The following FHOD3 variants were observed in gnomAD, a reference collection of about 807,000 sequenced individuals.
FHOD3 encodes the protein formin homology 2 domain containing 3.
A neutral mutation model predicts 173.0 loss-of-function variants in FHOD3; 90 were observed. The observed-to-expected ratio is 0.52, with a 90% CI of 0.44 to 0.62. The LOEUF (loss-of-function observed/expected upper bound fraction) is 0.62. Among genes scored for constraint, FHOD3 ranks in the 20% least tolerant of loss-of-function variants. The pLI is 0.00. For synonymous variants in FHOD3, 828 were observed against 823.0 expected (o/e 1.01, Z -0.10); for missense variants, 1,945 against 2,034.7 (o/e 0.96, Z 0.85).
At chr18:36,545,214 G>A (rs536819521) in intron 5 of FHOD3, among the ~76,000 whole-genome samples, 1 of 152,298 alleles carries the variant, frequency 6.6e-6, no homozygotes, top group South Asian at 2.1e-4. Context: ...ATACAGTGGT[G>A]AACAAGACAC....
At chr18:36,393,210 A>G (rs936842627) in intron 3 of FHOD3, among the ~76,000 whole-genome samples, 11 of 152,212 alleles carry the variant, frequency 7.2e-5, no homozygotes, top group Non-Finnish European at 1.5e-4. Context: ...AAACAAACGT[A>G]ATGGCGAAAG....
At chr18:36,554,247 T>A (rs941846562) in intron 5 of FHOD3, among the ~76,000 whole-genome samples, 6 of 152,114 alleles carry the variant, frequency 3.9e-5, no homozygotes, top group South Asian at 4.1e-4. Context: ...CAAATGTCCA[T>A]CAATGATAGA....
At chr18:36,403,620 A>G (rs1214138249) in intron 3 of FHOD3, among the ~76,000 whole-genome samples, 1 of 152,220 alleles carries the variant, frequency 6.6e-6, no homozygotes, top group Non-Finnish European at 1.5e-5. Context: ...AGATTTTAGT[A>G]AAAAAACACA....
chr18:36,738,611 A>G (rs539867353), intron 20 of FHOD3, among the ~76,000 whole-genome samples: 8 of 152,296 alleles, frequency 5.3e-5, no homozygotes, highest in Admixed American at 5.2e-4. Context: ...GAGTTTGTTT[A>G]CGTATAGTGT....
chr18:36,693,320 C>G lies in FHOD3; in HGVS notation c.2133C>G (p.Ala711=), dbSNP rs771214218. The G allele has an allele frequency of 6.2e-7, 1 of 1,613,864 alleles. No homozygotes were observed. Among genetic ancestry groups the G allele is most frequent in the Non-Finnish European group, 8.5e-7 (1 of 1,179,820 alleles). The change falls in exon 17 of 29, where the codon GCC becomes GCG. Residue 711 remains alanine (A), a synonymous_variant. Transcript: ENST00000590592. The part of the protein sequence containing the change: ...DLSLDLTSPA[A]PACLAPLSHS... ...CCTTGGACCTGACCTCGCCAGCAGC[C>G]CCAGCCTGCCTGGCTCCTCTGAGCC...
intron 3 of FHOD3, among the ~76,000 whole-genome samples, chr18:36,444,710 A>G (rs1406211127): frequency 6.6e-6 from 1 of 150,750 alleles, no homozygotes. Context: ...TTTTTTTTTC[A>G]TTTTCCTTTT....
At chr18:36,465,326 C>CA (rs201776364) in intron 3 of FHOD3, among the ~76,000 whole-genome samples, 210 of 151,794 alleles carry the variant, frequency 1.4e-3, no homozygotes, top group African/African-American at 2.0e-3. Context: ...AACAAACAAA[C>CA]AAAAAAAACA....
intron 27 of FHOD3, among the ~76,000 whole-genome samples, chr18:36,761,562 C>T (rs1040299088): frequency 9.2e-5 from 14 of 152,092 alleles, no homozygotes; most frequent in Non-Finnish European, 1.6e-4. Flanking sequence ...GGCGCTTCTC[C>T]GCACGCTGCT....
At chr18:36,680,084 A>G (rs1477868815) in intron 14 of FHOD3, among the ~76,000 whole-genome samples, 11 of 152,216 alleles carry the variant, frequency 7.2e-5, no homozygotes, top group Non-Finnish European at 1.3e-4. Context: ...TTTATGAGGA[A>G]GATAAATAAA....
chr18:36,565,218 A>G (rs1014450419), intron 5 of FHOD3, among the ~76,000 whole-genome samples: 14 of 152,224 alleles, frequency 9.2e-5, no homozygotes, highest in Non-Finnish European at 1.6e-4. Context: ...AATAATGGAA[A>G]TTAGGGGTAG....
chr18:36,546,835 C>T (rs1308478132), intron 5 of FHOD3, among the ~76,000 whole-genome samples: 2 of 152,168 alleles, frequency 1.3e-5, no homozygotes, highest in African/African-American at 2.4e-5. Flanking sequence ...ACAGAGCACT[C>T]ACTTCACGCT....
chr18:36,357,795 A>G (rs2046431335), intron 2 of FHOD3, among the ~76,000 whole-genome samples: 1 of 152,200 alleles, frequency 6.6e-6, no homozygotes, highest in Non-Finnish European at 1.5e-5. Context: ...GAATGTTATG[A>G]GTAGATCATT....
intron 4 of FHOD3, among the ~76,000 whole-genome samples, chr18:36,504,752 G>GTAAA (rs35485866): frequency 0.13 from 20,132 of 151,428 alleles, 1,970 homozygotes; most frequent in East Asian, 0.57. Context: ...AATAATAAAA[G>GTAAA]TAAATAAATA....
chr18:36,510,045 G>C (rs1568364825), intron 4 of FHOD3, among the ~76,000 whole-genome samples: 1 of 152,310 alleles, frequency 6.6e-6, no homozygotes, highest in South Asian at 2.1e-4. Flanking sequence ...TTCCATACCC[G>C]TGGGTCGGCG....
intron 21 of FHOD3, among the ~76,000 whole-genome samples, chr18:36,741,638 G>A (rs1258616284): frequency 1.3e-5 from 2 of 152,068 alleles, no homozygotes; most frequent in African/African-American, 4.8e-5. Context: ...AGGTGTTGTG[G>A]CATGTACTTG....
intron 6 of FHOD3, among the ~76,000 whole-genome samples, chr18:36,589,292 C>T (rs893760667): frequency 6.6e-6 from 1 of 152,116 alleles, no homozygotes; most frequent in Admixed American, 6.6e-5. Flanking sequence ...TTATAACAGA[C>T]AACTAAAAAT....
At chr18:36,493,426 C>T (rs2054575610) in intron 3 of FHOD3, among the ~76,000 whole-genome samples, 1 of 151,978 alleles carries the variant, frequency 6.6e-6, no homozygotes, top group Admixed American at 6.6e-5. Context: ...CCTGGGGGTT[C>T]GTTTGTCACG....
intron 3 of FHOD3, among the ~76,000 whole-genome samples, chr18:36,380,541 CTCTTTCTTTTGTTTTCT>C (rs1042845788): frequency 1.6e-5 from 2 of 127,488 alleles, no homozygotes; most frequent in South Asian, 3.2e-4. Flanking sequence ...CCCTTTCTCT[CTCTTTCTTTTGTTTTCT>C]TTTCTTTTCT....
intron 3 of FHOD3, among the ~76,000 whole-genome samples, chr18:36,419,041 A>G (rs1211317301): frequency 6.6e-6 from 1 of 152,144 alleles, no homozygotes; most frequent in Admixed American, 6.5e-5. Context: ...AAAAACGTGT[A>G]TGGTTCTAAA....
Sources: gnomAD v4.1 joint callset for allele counts (sites outside exome capture counted in the v4.1 genomes callset) on GRCh38, gnomAD v4.1.1 for gene constraint, MANE v1.5 for transcripts, NCBI Gene and HGNC (gene_info 2026-07-23, HGNC 2026-07-21) for gene names.